The following CALN1 variants were observed in gnomAD, a reference collection of about 807,000 sequenced individuals.
CALN1 encodes the protein calcium-binding protein 8.
Under a neutral mutation model 30.6 loss-of-function variants are expected in CALN1, and 17 were observed. The ratio of observed to expected loss-of-function variants is 0.56; its 90% CI spans 0.38 to 0.83. CALN1 has a LOEUF of 0.83. Among genes scored for constraint, CALN1 ranks in the 40% least tolerant of loss-of-function variants. The pLI, the probability that CALN1 is intolerant of heterozygous loss-of-function variation, is 0.00. For synonymous variants in CALN1, 156 were observed against 131.4 expected (o/e 1.19, Z -1.28); for missense variants, 291 against 354.9 (o/e 0.82, Z 1.45).
chr7:72,065,867 T>A (rs1803986114), intron 4 of CALN1, among the ~76,000 whole-genome samples: 1 of 151,950 alleles, frequency 6.6e-6, no homozygotes, highest in Admixed American at 6.6e-5. Context: ...CACTCCAGCC[T>A]GGGCAACAAG....
intron 5 of CALN1, among the ~76,000 whole-genome samples, chr7:71,915,358 A>C (rs1003229033): frequency 2.6e-5 from 4 of 152,186 alleles, no homozygotes; most frequent in Non-Finnish European, 5.9e-5. Flanking sequence ...CTTCTTTCTC[A>C]CTTCTTCCTC....
At chr7:72,411,535 G>A (rs572007432) in intron 1 of CALN1, among the ~76,000 whole-genome samples, 1 of 152,312 alleles carries the variant, frequency 6.6e-6, no homozygotes, top group South Asian at 2.1e-4. Context: ...TATCAGTTGT[G>A]TCACTGAAAA....
intron 2 of CALN1, chr7:72,337,218 C>A: frequency 1.0e-6 from 1 of 985,286 alleles, no homozygotes; most frequent in Non-Finnish European, 1.2e-6. Context: ...CAGGGCCTTG[C>A]CGCCGACAGC....
intron 3 of CALN1, among the ~76,000 whole-genome samples, chr7:72,164,130 G>T (rs1337563188): frequency 6.6e-6 from 1 of 152,156 alleles, no homozygotes; most frequent in East Asian, 1.9e-4. Context: ...CACTCAGGGA[G>T]GCCAAGGTGG....
In CALN1 at chr7:71,888,294, TG is replaced by T. The variant is rs370628769; in HGVS notation, c.502-77803del. Among the ~76,000 whole-genome samples, 54 of 151,364 alleles carry T rather than the reference TG, an allele frequency of 3.6e-4. No homozygotes were observed. The East Asian group carries it at 0.01, about 29-fold the overall frequency. On this transcript the variant is annotated intron_variant, in intron 5 of 6. Coordinates refer to ENST00000395275, the MANE Select transcript of CALN1 (RefSeq NM_031468.4). ...GCTGCTAATGGGCGTGGGTTTATTT[TG>T]GGGGGAGATGAAAATGTTCTAAAAT...
chr7:72,287,485 CA>C (rs1435017230), intron 2 of CALN1, among the ~76,000 whole-genome samples: 1 of 128,718 alleles, frequency 7.8e-6, no homozygotes, highest in Non-Finnish European at 1.6e-5. Flanking sequence ...TCGGCTCTGT[CA>C]CCCAGGCTGG....
At chr7:72,061,582 G>A (rs1803650373) in intron 4 of CALN1, among the ~76,000 whole-genome samples, 1 of 151,618 alleles carries the variant, frequency 6.6e-6, no homozygotes, top group Non-Finnish European at 1.5e-5. Flanking sequence ...AGAAATGGAG[G>A]TGATAGAAGA....
At chr7:72,226,437 A>T (rs1793683243) in intron 3 of CALN1, among the ~76,000 whole-genome samples, 1 of 152,108 alleles carries the variant, frequency 6.6e-6, no homozygotes, top group African/African-American at 2.4e-5. Context: ...TTTGGGCCTC[A>T]GTTTCCTCAC....
At chr7:72,269,689 G>A (rs927899008) in intron 3 of CALN1, among the ~76,000 whole-genome samples, 7 of 152,126 alleles carry the variant, frequency 4.6e-5, no homozygotes, top group African/African-American at 1.7e-4. Flanking sequence ...GCCAGTAATT[G>A]AATTACCTAC....
chr7:72,483,493 C>T, the CALN1 span, among the ~76,000 whole-genome samples: 2 of 151,966 alleles, frequency 1.3e-5, no homozygotes, highest in Admixed American at 1.3e-4. Flanking sequence ...CCATGTTGGC[C>T]AGGCTGGTCT....
At chr7:72,190,712 T>C (rs1325412116) in intron 3 of CALN1, among the ~76,000 whole-genome samples, 2 of 152,258 alleles carry the variant, frequency 1.3e-5, no homozygotes, top group African/African-American at 4.8e-5. Context: ...CTTGAATATT[T>C]GAAAGACTTA....
intron 3 of CALN1, among the ~76,000 whole-genome samples, chr7:72,205,574 A>ATACATATATATATACG (rs1791804762): frequency 8.1e-6 from 1 of 123,736 alleles, no homozygotes; most frequent in Admixed American, 8.3e-5. Flanking sequence ...ATATGTATAT[A>ATACATATATATATACG]TATATATATA....
intron 3 of CALN1, among the ~76,000 whole-genome samples, chr7:72,145,887 T>C (rs916381399): frequency 2.0e-5 from 3 of 152,170 alleles, no homozygotes; most frequent in Admixed American, 6.5e-5. Flanking sequence ...ATTATCTCAA[T>C]AGATGCAGAA....
intron 2 of CALN1, among the ~76,000 whole-genome samples, chr7:72,358,961 C>T (rs1803400870): frequency 7.2e-6 from 1 of 139,090 alleles, no homozygotes; most frequent in African/African-American, 2.9e-5. Flanking sequence ...GAGACTCTAC[C>T]TCAAAAAAAA....
intron 5 of CALN1, among the ~76,000 whole-genome samples, chr7:71,844,418 T>C (rs1430432206): frequency 6.6e-6 from 1 of 152,244 alleles, no homozygotes; most frequent in Non-Finnish European, 1.5e-5. Context: ...GCTTTATGCA[T>C]AGCCAGTTTC....
At chr7:72,239,589 A>T (rs1439719904) in intron 3 of CALN1, among the ~76,000 whole-genome samples, 1 of 152,124 alleles carries the variant, frequency 6.6e-6, no homozygotes, top group Non-Finnish European at 1.5e-5. Context: ...AAATCTTCCT[A>T]AATTATCTGG....
At chr7:72,187,501 T>C (rs1790289325) in intron 3 of CALN1, among the ~76,000 whole-genome samples, 1 of 152,132 alleles carries the variant, frequency 6.6e-6, no homozygotes, top group Admixed American at 6.5e-5. Context: ...CATAGGAGCA[T>C]AAGCCCTTTT....
rs565774757 is a variant in CALN1 at position 72,071,440 on chromosome 7, T to G, written c.388+34711A>C. On this transcript the variant is annotated intron_variant, in intron 4 of 6. Transcript: ENST00000395275. ...CGTTTCATTTTTCTCTTTCCATCTT[T>G]TGGAAGTCAGACATCAAAGACTAAG... 6.0e-4 allele frequency among the ~76,000 whole-genome samples: 91 copies of G among 152,216 alleles called. 1 individual carries two copies. The South Asian group carries it at 0.018, about 30-fold the overall frequency.
chr7:72,266,074 C>T (rs1241340974), intron 3 of CALN1, among the ~76,000 whole-genome samples: 3 of 151,458 alleles, frequency 2.0e-5, no homozygotes. Context: ...GTTAAAGCTA[C>T]AGTGAGCAGT....
Sources: allele counts gnomAD v4.1 joint callset (sites outside exome capture counted in the v4.1 genomes callset), GRCh38; gene constraint gnomAD v4.1.1; transcripts MANE v1.5; gene names NCBI Gene and HGNC (gene_info 2026-07-23, HGNC 2026-07-21).